GNG10: variants seen among roughly 807,000 people sequenced by gnomAD.
GNG10 encodes G protein subunit gamma 10.
GNG10 carries 7 observed loss-of-function variants against 6.8 expected under a neutral mutation model. The observed-to-expected ratio is 1.02, with a 90% CI of 0.58 to 1.92. The LOEUF (loss-of-function observed/expected upper bound fraction) is 1.92, where lower values mean the gene tolerates loss of function less well. Among genes scored for constraint, GNG10 ranks in the 30% most tolerant of loss-of-function variants. The pLI is 0.00. For missense variants in GNG10, 57 were observed against 86.1 expected (o/e 0.66, Z 1.34); for synonymous variants, 28 against 34.8 (o/e 0.80, Z 0.69).
At chr9:111,663,991 C>CTTT (rs568835533) in intron 1 of GNG10, among the ~76,000 whole-genome samples, 51 of 135,958 alleles carry the variant, frequency 3.8e-4, no homozygotes, top group African/African-American at 1.4e-3. Flanking sequence ...CACTAATTGG[C>CTTT]TTTTTTTTTT....
intron 1 of GNG10, among the ~76,000 whole-genome samples, chr9:111,665,154 G>C (rs141494788): frequency 6.6e-6 from 1 of 151,860 alleles, no homozygotes; most frequent in Non-Finnish European, 1.5e-5. Context: ...ACACAAACTA[G>C]TAGTAATACC....
intron 2 of GNG10, among the ~76,000 whole-genome samples, chr9:111,667,370 C>T (rs1375737304): frequency 1.3e-5 from 2 of 152,120 alleles, no homozygotes; most frequent in African/African-American, 4.8e-5. Context: ...GCTGGGACTA[C>T]AGGTGCCTGC....
intron 1 of GNG10, among the ~76,000 whole-genome samples, chr9:111,664,760 C>G (rs1830873383): frequency 6.6e-6 from 1 of 152,106 alleles, no homozygotes; most frequent in Non-Finnish European, 1.5e-5. Context: ...GTTCTTGAGC[C>G]TAGAGTTCAG....
At chr9:111,665,248 G>A (rs1004420312) in intron 1 of GNG10, among the ~76,000 whole-genome samples, 7 of 151,804 alleles carry the variant, frequency 4.6e-5, no homozygotes, top group Non-Finnish European at 8.8e-5. Flanking sequence ...AAAGTACAAT[G>A]AGGAAAACCT....
intron 1 of GNG10, among the ~76,000 whole-genome samples, chr9:111,665,982 C>A (rs1057420749): frequency 1.3e-5 from 2 of 150,862 alleles, no homozygotes; most frequent in Non-Finnish European, 2.9e-5. Context: ...GATCTGCCCC[C>A]GCTTGGGCTC....
At chr9:111,665,045 A>G (rs562912167) in intron 1 of GNG10, among the ~76,000 whole-genome samples, 8 of 152,326 alleles carry the variant, frequency 5.3e-5, no homozygotes, top group Middle Eastern at 3.4e-3. Context: ...AACTGTCATT[A>G]CATTAATGCA....
Position 111,661,610 on chromosome 9 carries a change from C to A in GNG10, c.-25C>A, listed in dbSNP as rs528107011. 154 of 1,272,686 alleles carry A rather than the reference C, an allele frequency of 1.2e-4. 2 individuals are homozygous for A. The South Asian group carries it at 2.9e-3, about 24-fold the overall frequency. The allele number at this position is 1,272,686 out of a possible 1,614,324, so 78.8% of individuals were successfully genotyped here. On this transcript the variant is annotated 5_prime_UTR_variant, in exon 1 of 3. Coordinates refer to ENST00000374293, the MANE Select transcript of GNG10 (RefSeq NM_001017998.4). This position sits in a 1 kb window ranked among gnomAD's most constrained non-coding sequence, Gnocchi z 6.1. Reference sequence around the variant, plus strand: ...CTCCCCGCCCGGCCGGGCCCAGCAGCCCCTAGGAGCCCAGCGCCGCCGCCA... The same window carrying A: ...CTCCCCGCCCGGCCGGGCCCAGCAGACCCTAGGAGCCCAGCGCCGCCGCCA...
At position 111,666,952 on chromosome 9, in the gene GNG10, TA is replaced by T. The variant is rs1830911493; in HGVS notation, c.*6+8del. 1 of 1,614,030 alleles carries T rather than the reference TA, an allele frequency of 6.2e-7. No homozygotes were observed. The highest frequency in any genetic ancestry group is 8.5e-7 in the Non-Finnish European group (1 of 1,179,946). ...GTGCTTTACTCTGAAGACTCGTGAG[TA>T]ATGATACACCATGATGTCTTGGGCC... On this transcript the variant is annotated splice_region_variant and intron_variant, in intron 2 of 2. Coordinates refer to ENST00000374293, the MANE Select transcript of GNG10 (RefSeq NM_001017998.4).
intron 1 of GNG10, among the ~76,000 whole-genome samples, chr9:111,662,972 T>G (rs534099361): frequency 2.0e-5 from 3 of 152,168 alleles, no homozygotes; most frequent in Admixed American, 6.5e-5. Context: ...TATTTTTAGG[T>G]TCCAGGGAAG....
chr9:111,667,064 C>T, intron 2 of GNG10, 118 bp downstream of exon 2: 1 of 1,453,426 alleles, frequency 6.9e-7, no homozygotes, highest in East Asian at 2.4e-5. Context: ...AAACAAGAGC[C>T]AGCAAAATGC....
chr9:111,661,719 CG>C lies in GNG10; in HGVS notation c.81+7del. The C allele has an allele frequency of 7.5e-7, 1 of 1,338,378 alleles. No individual in the cohort carries two copies. 82.9% of individuals were successfully genotyped at this position (1,338,378 alleles called of 1,614,324 possible). On this transcript the variant is annotated splice_donor_5th_base_variant and intron_variant, in intron 1 of 2. Transcript: ENST00000374293. This position sits in a 1 kb window ranked among gnomAD's most constrained non-coding sequence, Gnocchi z 6.1. Reference sequence around the variant, plus strand: ...GGCTGGCGTGGAGAGGATCAAGGTGCGGGCCCCGGGTACCCACGCTCCGGTC... The same window carrying C: ...GGCTGGCGTGGAGAGGATCAAGGTGCGGCCCCGGGTACCCACGCTCCGGTC...
intron 2 of GNG10, among the ~76,000 whole-genome samples, chr9:111,668,696 G>A (rs1403657038): frequency 6.6e-6 from 1 of 151,978 alleles, no homozygotes; most frequent in Non-Finnish European, 1.5e-5. Context: ...TATTGCTCAG[G>A]CTGTTCTCAA....
rs775354291 is a variant in GNG10 at position 111,661,759 on chromosome 9, G to A, written c.81+44G>A. 4.2e-6 allele frequency: 5 copies of A among 1,193,698 alleles called. No homozygotes were observed. The African/African-American group carries it at 8.0e-5, about 19-fold the overall frequency. 73.9% of individuals were successfully genotyped at this position (1,193,698 alleles called of 1,614,324 possible). ...CACGCTCCGGTCCTTCCGCCCGCGGGGCGTGAGAAGAGGAGGCCGGCGGCC... is the reference window on the plus strand; with the variant it reads ...CACGCTCCGGTCCTTCCGCCCGCGGAGCGTGAGAAGAGGAGGCCGGCGGCC... On this transcript the variant is annotated intron_variant, in intron 1 of 2. Transcript: ENST00000374293. The surrounding 1 kb of genome is among the most constrained non-coding windows in gnomAD (Gnocchi z 6.1).
At chr9:111,663,788 C>T (rs1033724513) in intron 1 of GNG10, among the ~76,000 whole-genome samples, 2 of 151,298 alleles carry the variant, frequency 1.3e-5, no homozygotes, top group African/African-American at 4.9e-5. Flanking sequence ...TGCCTGTCTA[C>T]CCGCCAAGTA....
intron 2 of GNG10, 29 bp downstream of exon 2, chr9:111,666,975 G>T (rs1380396633): frequency 6.2e-7 from 1 of 1,609,968 alleles, no homozygotes. Flanking sequence ...TGATGTCTTG[G>T]GCCCATAGCA....
rs1830974006 is a variant in GNG10 at position 111,670,053 on chromosome 9, A to G, written c.*791A>G. 6.6e-6 allele frequency: 1 copy of G among 152,508 alleles called. No homozygotes were observed. Among genetic ancestry groups the G allele is most frequent in the Admixed American group, 6.6e-5 (1 of 15,258 alleles). 9.4% of individuals were successfully genotyped at this position (152,508 alleles called of 1,614,324 possible). On this transcript the variant is annotated 3_prime_UTR_variant, in exon 3 of 3. Coordinates refer to ENST00000374293, the MANE Select transcript of GNG10 (RefSeq NM_001017998.4). ...AAATGTGACCCACAGAACATTGTAA[A>G]TGATTAAAAACTAACATGAAAATAT... is the stretch of plus-strand genomic sequence containing the variant.
At chr9:111,667,947 C>G (rs141046985) in intron 2 of GNG10, among the ~76,000 whole-genome samples, 1 of 152,260 alleles carries the variant, frequency 6.6e-6, no homozygotes, top group African/African-American at 2.4e-5. Flanking sequence ...TCCTCTGTCT[C>G]CTGGGTTCAA....
Position 111,670,120 on chromosome 9 carries a change from C to T in GNG10, c.*858C>T, listed in dbSNP as rs537961164. On this transcript the variant is annotated 3_prime_UTR_variant, in exon 3 of 3. Transcript: ENST00000374293. ...TCTTAACTTCACAAGTGTTTTACTT[C>T]GACGATGTGCCTTTGATTTAATTTG... 41 of 152,718 alleles carry T rather than the reference C, an allele frequency of 2.7e-4. No homozygotes were observed. Among genetic ancestry groups the T allele is most frequent in the African/African-American group, 8.9e-4 (37 of 41,562 alleles). 9.5% of individuals were successfully genotyped at this position (152,718 alleles called of 1,614,324 possible). A position where few individuals can be genotyped will look rare whatever the true frequency, so the allele number is the denominator to read the frequency against.
chr9:111,665,060 A>C (rs913581995), intron 1 of GNG10, among the ~76,000 whole-genome samples: 4 of 152,188 alleles, frequency 2.6e-5, no homozygotes, highest in African/African-American at 9.7e-5. Flanking sequence ...AATGCAACCA[A>C]AATTCCTGGA....
Sources: gnomAD v4.1 joint callset for allele counts (sites outside exome capture counted in the v4.1 genomes callset) on GRCh38, gnomAD v4.1.1 for gene constraint, Gnocchi (gnomAD v3.1) non-coding constraint, MANE v1.5 for transcripts, NCBI Gene and HGNC (gene_info 2026-07-23, HGNC 2026-07-21) for gene names.